ZNF10: variants seen among roughly 807,000 people sequenced by gnomAD.
ZNF10 encodes zinc finger protein 10 (KOX 1).
ZNF10 carries 8 observed loss-of-function variants against 12.2 expected under a neutral mutation model. That is an observed-to-expected ratio of 0.66 (90% CI 0.39 to 1.18). The LOEUF (loss-of-function observed/expected upper bound fraction) is 1.18. Among genes scored for constraint, ZNF10 ranks in the 50% most tolerant of loss-of-function variants. The pLI is 0.01. For missense variants in ZNF10, 603 were observed against 678.9 expected (o/e 0.89, Z 1.24); for synonymous variants, 229 against 228.2 (o/e 1.00, Z -0.03).
At chr12:133,145,806 C>G (rs1405329350) in intron 2 of ZNF10, among the ~76,000 whole-genome samples, 2 of 121,160 alleles carry the variant, frequency 1.7e-5, no homozygotes, top group African/African-American at 6.1e-5. Flanking sequence ...CTCTGTCCCA[C>G]CCCCCCACCC....
At chr12:133,144,117 T>G in intron 1 of ZNF10, 1 of 161,252 alleles carries the variant, frequency 6.2e-6, no homozygotes, top group Non-Finnish European at 1.4e-5. Flanking sequence ...GTGAGACTAT[T>G]TGATTAGGTC....
At chr12:133,142,084 CA>C (rs1955947743) in intron 1 of ZNF10, among the ~76,000 whole-genome samples, 1 of 152,032 alleles carries the variant, frequency 6.6e-6, no homozygotes, top group Middle Eastern at 3.2e-3. Flanking sequence ...ATTACACATT[CA>C]GGAAAAAACA....
intron 1 of ZNF10, 68 bp downstream of exon 1, chr12:133,130,822 G>A (rs1955869816): frequency 6.6e-6 from 1 of 152,268 alleles, no homozygotes; most frequent in South Asian, 2.1e-4. Context: ...CTTTAGTAAT[G>A]TAGCAGTGTA....
At chr12:133,142,536 G>A (rs73162479) in intron 1 of ZNF10, among the ~76,000 whole-genome samples, 37,164 of 151,950 alleles carry the variant, frequency 0.24, 4,968 homozygotes, top group Non-Finnish European at 0.3. Context: ...GTAAACATGG[G>A]TAAAGGACTT....
chr12:133,147,994 A>T (rs1395314424), intron 2 of ZNF10, among the ~76,000 whole-genome samples: 1 of 152,112 alleles, frequency 6.6e-6, no homozygotes, highest in Non-Finnish European at 1.5e-5. Context: ...GTCCTTTGTC[A>T]GATAATGTGA....
rs1041935271 is a variant in ZNF10, at chr12:133,156,370, A to C, written c.1124A>C (p.Lys375Thr). The change falls in exon 5 of 5, where the codon AAA becomes ACA. Residue 375 changes from lysine to threonine, a missense_variant. By Grantham distance (78) the Lys-to-Thr change is moderately conservative (BLOSUM62 -1). Transcript: ENST00000248211. ...IRHQRTHTGE[K>T]PYECPECGKS... ...CACCAGAGGACACATACTGGAGAGA[A>C]ACCCTATGAATGTCCTGAATGTGGG... is the stretch of plus-strand genomic sequence containing the variant. 4 of 1,614,152 alleles carry C rather than the reference A, an allele frequency of 2.5e-6. No homozygotes were observed. Among genetic ancestry groups the C allele is most frequent in the Non-Finnish European group, 2.5e-6 (3 of 1,180,032 alleles).
chr12:133,131,806 G>A (rs1353615892), intron 1 of ZNF10, among the ~76,000 whole-genome samples: 1 of 152,096 alleles, frequency 6.6e-6, no homozygotes, highest in Non-Finnish European at 1.5e-5. Context: ...TAGTCACAAG[G>A]GCAGAGATTT....
chr12:133,153,987 A>G (rs1319887142), intron 4 of ZNF10, among the ~76,000 whole-genome samples: 1 of 151,960 alleles, frequency 6.6e-6, no homozygotes, highest in Non-Finnish European at 1.5e-5. Flanking sequence ...CCACCCTCAT[A>G]CTGGATTAGG....
intron 1 of ZNF10, among the ~76,000 whole-genome samples, chr12:133,131,293 ATAAGT>A (rs1464400964): frequency 1.3e-5 from 2 of 152,012 alleles, no homozygotes; most frequent in Non-Finnish European, 2.9e-5. Flanking sequence ...GAGACAGATC[ATAAGT>A]TTAATTACTA....
At chr12:133,152,126 C>T (rs145336142) in intron 4 of ZNF10, among the ~76,000 whole-genome samples, 4 of 152,308 alleles carry the variant, frequency 2.6e-5, no homozygotes, top group East Asian at 3.9e-4. Flanking sequence ...AGCGCTTGCA[C>T]GTGTCGCTCT....
chr12:133,133,557 G>C (rs183843416), intron 1 of ZNF10, among the ~76,000 whole-genome samples: 12 of 152,282 alleles, frequency 7.9e-5, no homozygotes, highest in Admixed American at 3.9e-4. Context: ...ATAGGGCATG[G>C]GCAGAGTCCT....
intron 4 of ZNF10, among the ~76,000 whole-genome samples, chr12:133,154,846 G>A (rs1210414368): frequency 6.6e-6 from 1 of 152,202 alleles, no homozygotes; most frequent in Admixed American, 6.5e-5. Flanking sequence ...GGAGGCTAAG[G>A]CGGGTGGATC....
chr12:133,155,416 A>C, intron 4 of ZNF10, 87 bp from the exon 5 acceptor site: 3 of 1,368,802 alleles, frequency 2.2e-6, no homozygotes, highest in Non-Finnish European at 2.9e-6. Context: ...AACTGTGTAC[A>C]TCTTGCATAC....
intron 1 of ZNF10, among the ~76,000 whole-genome samples, chr12:133,131,461 T>C (rs567729876): frequency 6.6e-6 from 1 of 152,034 alleles, no homozygotes; most frequent in East Asian, 1.9e-4. Flanking sequence ...ATACATTAAT[T>C]GCAGAAAGAT....
intron 1 of ZNF10, among the ~76,000 whole-genome samples, chr12:133,142,056 G>C (rs1458569745): frequency 2.0e-5 from 3 of 152,142 alleles, no homozygotes; most frequent in South Asian, 2.1e-4. Flanking sequence ...AAAAATAACT[G>C]TCTACCTATT....
At chr12:133,155,330 C>T (rs746472845) in intron 4 of ZNF10, among the ~76,000 whole-genome samples, 173 bp from the exon 5 acceptor site, 26 of 152,288 alleles carry the variant, frequency 1.7e-4, no homozygotes, top group Middle Eastern at 3.4e-3. Context: ...CTGTATACCA[C>T]AATGCATTTA....
intron 2 of ZNF10, among the ~76,000 whole-genome samples, chr12:133,147,227 A>C (rs752135906): frequency 6.6e-6 from 1 of 152,212 alleles, no homozygotes; most frequent in Admixed American, 6.5e-5. Flanking sequence ...ATACATTTGC[A>C]TACAGGTTTT....
rs963316170 is a variant in ZNF10 at position 133,144,357 on chromosome 12, TGAA to T, written c.-59-72_-59-70del. ...GTGTTTGTGTCATACCCAGCTGGTATGAAGAAGTTTAGACTGACAATTTAGGGA... is the reference window on the plus strand; with the variant it reads ...GTGTTTGTGTCATACCCAGCTGGTATGAAGTTTAGACTGACAATTTAGGGA... On this transcript the variant is annotated intron_variant, in intron 1 of 4. Coordinates refer to ENST00000248211, the MANE Select transcript of ZNF10 (RefSeq NM_015394.5). The T allele has an allele frequency of 1.1e-5, 8 of 756,460 alleles. No homozygotes were observed. In the African/African-American group the frequency reaches 1.4e-4, roughly 13 times the overall value. The allele number at this position is 756,460 out of a possible 1,614,324, so 46.9% of individuals were successfully genotyped here.
chr12:133,140,318 C>T (rs55864270), intron 1 of ZNF10, among the ~76,000 whole-genome samples: 91,184 of 150,730 alleles, frequency 0.6, 28,541 homozygotes, highest in African/African-American at 0.73. Context: ...TTTGAGGCCA[C>T]GGTAAGCTAT....
Sources: gnomAD v4.1 joint callset for allele counts (sites outside exome capture counted in the v4.1 genomes callset) on GRCh38, gnomAD v4.1.1 for gene constraint, MANE v1.5 for transcripts, NCBI Gene and HGNC (gene_info 2026-07-23, HGNC 2026-07-21) for gene names.